The following DOCK1 variants were observed in gnomAD, a reference collection of about 807,000 sequenced individuals.
The protein encoded by DOCK1 is dedicator of cytokinesis 1, also known as dedicator of cytokinesis protein 1.
Under a neutral mutation model 262.7 loss-of-function variants are expected in DOCK1, and 138 were observed. The ratio of observed to expected loss-of-function variants is 0.53; its 90% CI spans 0.46 to 0.61. The LOEUF is 0.61. Among genes scored for constraint, DOCK1 ranks in the 20% least tolerant of loss-of-function variants. DOCK1 has a pLI of 0.00. For missense variants in DOCK1, 1,908 were observed against 2,370.7 expected, an observed-to-expected ratio of 0.80 and a Z score of 4.05; for synonymous variants, 866 against 867.4, an observed-to-expected ratio of 1.00 and a Z score of 0.03.
intron 31 of DOCK1, among the ~76,000 whole-genome samples, chr10:127,350,298 C>A (rs1471715894): frequency 1.1e-5 from 1 of 90,974 alleles, no homozygotes; most frequent in Non-Finnish European, 2.3e-5. Flanking sequence ...AGCCTCTGCT[C>A]ACGGTGCACC....
chr10:127,385,047 T>C, intron 38 of DOCK1, 138 bp downstream of exon 38: 1 of 1,125,942 alleles, frequency 8.9e-7, no homozygotes, highest in Non-Finnish European at 1.2e-6. Context: ...GTTTTATGCA[T>C]GTTCCTTCAG....
intron 29 of DOCK1, among the ~76,000 whole-genome samples, chr10:127,311,309 TC>T (rs2062054348): frequency 1.3e-5 from 2 of 152,154 alleles, no homozygotes; most frequent in Non-Finnish European, 2.9e-5. Context: ...GCAGAAATTC[TC>T]ATTCATCCTG....
chr10:127,411,032 TA>T, intron 43 of DOCK1, 108 bp downstream of exon 43: 1 of 1,078,808 alleles, frequency 9.3e-7, no homozygotes. Flanking sequence ...GGAGCCATAT[TA>T]AATGTCTTTG....
At chr10:127,337,959 C>T (rs1479782762) in intron 29 of DOCK1, among the ~76,000 whole-genome samples, 1 of 152,224 alleles carries the variant, frequency 6.6e-6, no homozygotes, top group Admixed American at 6.5e-5. Flanking sequence ...TGGTGAATTT[C>T]TTCTTCCCTC....
At chr10:127,260,828 C>T (rs1317114908) in intron 29 of DOCK1, among the ~76,000 whole-genome samples, 3 of 49,896 alleles carry the variant, frequency 6.0e-5, no homozygotes, top group Admixed American at 2.5e-4. Context: ...CATGTGTGTG[C>T]ATGGGTGTGC....
At chr10:127,072,959 G>A (rs1349541820) in intron 23 of DOCK1, among the ~76,000 whole-genome samples, 1 of 152,206 alleles carries the variant, frequency 6.6e-6, no homozygotes, top group Non-Finnish European at 1.5e-5. Context: ...AGAGATACCA[G>A]CATTTAGAAC....
At chr10:127,129,617 C>A (rs2050184744) in intron 27 of DOCK1, among the ~76,000 whole-genome samples, 1 of 152,154 alleles carries the variant, frequency 6.6e-6, no homozygotes, top group Admixed American at 6.5e-5. Context: ...CAGCGTTGAC[C>A]CCTGACGTCT....
At chr10:127,124,092 G>A (rs952604351) in intron 25 of DOCK1, among the ~76,000 whole-genome samples, 2 of 152,174 alleles carry the variant, frequency 1.3e-5, no homozygotes, top group Admixed American at 6.5e-5. Context: ...AGGGGTTTGT[G>A]TTTCTTCTCA....
At position 127,450,592 on chromosome 10, in the gene DOCK1, G is replaced by A. The variant is rs560837950; in HGVS notation, c.5566-740G>A. On this transcript the variant is annotated intron_variant, in intron 51 of 51. Transcript: ENST00000623213. ...AGAGAGTCTCCTGCACATCAGGTGTGTGTGATGGGCATGAGGGTCCCAAAA... is the reference window on the plus strand; with the variant it reads ...AGAGAGTCTCCTGCACATCAGGTGTATGTGATGGGCATGAGGGTCCCAAAA... 3.3e-5 allele frequency among the ~76,000 whole-genome samples: 5 copies of A among 152,312 alleles called. No homozygotes were observed. The East Asian group carries it at 9.6e-4, about 29-fold the overall frequency.
chr10:127,010,259 G>T (rs1402059641), intron 11 of DOCK1, among the ~76,000 whole-genome samples: 2 of 152,200 alleles, frequency 1.3e-5, no homozygotes, highest in Non-Finnish European at 2.9e-5. Flanking sequence ...CTGAGGTCAG[G>T]AGTTCGAGAC....
chr10:127,331,075 G>T (rs187804918), intron 29 of DOCK1, among the ~76,000 whole-genome samples: 11 of 152,306 alleles, frequency 7.2e-5, no homozygotes, highest in Non-Finnish European at 4.4e-5. Flanking sequence ...GGGAGGGGGA[G>T]TCCACTTATG....
chr10:127,411,498 A>T (rs557856962), intron 43 of DOCK1, among the ~76,000 whole-genome samples: 21 of 152,294 alleles, frequency 1.4e-4, no homozygotes, highest in African/African-American at 4.3e-4. Flanking sequence ...ATCCCTGAAC[A>T]CTGCCTACTA....
In DOCK1 at chr10:127,446,424, CA is replaced by C. The variant is rs1351194999; in HGVS notation, c.5414-967del. On this transcript the variant is annotated intron_variant, in intron 50 of 51. Coordinates refer to ENST00000623213, the MANE Select transcript of DOCK1 (RefSeq NM_001290223.2). This position sits in a 1 kb window ranked among gnomAD's most constrained non-coding sequence, Gnocchi z 4.4. ...CCACGGTCGATGTGATTAATGCCAC[CA>C]AATTGTCCCCTAAAGGATGGCTAAA... Among the ~76,000 whole-genome samples the C allele has an allele frequency of 1.3e-5, 2 of 152,086 alleles. No individual in the cohort carries two copies. Among genetic ancestry groups the C allele is most frequent in the African/African-American group, 4.8e-5 (2 of 41,414 alleles).
chr10:126,925,077 A>T (rs2033582381), intron 1 of DOCK1, among the ~76,000 whole-genome samples: 2 of 152,332 alleles, frequency 1.3e-5, no homozygotes, highest in Admixed American at 1.3e-4. Flanking sequence ...CGCCTCTATC[A>T]CTGATCTAGT....
intron 29 of DOCK1, among the ~76,000 whole-genome samples, chr10:127,280,034 A>ATATAT (rs1554939125): frequency 6.6e-5 from 6 of 91,468 alleles, no homozygotes; most frequent in South Asian, 3.5e-4. Flanking sequence ...ATATATATAT[A>ATATAT]ATTTTTTTTT....
intron 12 of DOCK1, chr10:127,013,552 T>C (rs897127102): frequency 6.6e-6 from 1 of 152,262 alleles, no homozygotes; most frequent in East Asian, 1.9e-4. Context: ...GAGTTTGGTG[T>C]CAGGCCAGCA....
chr10:127,387,312 A>T (rs1047342377), intron 38 of DOCK1, among the ~76,000 whole-genome samples: 2 of 152,136 alleles, frequency 1.3e-5, no homozygotes, highest in Admixed American at 6.5e-5. Context: ...TGCCTTGAGG[A>T]CGTTGCTTGA....
intron 23 of DOCK1, among the ~76,000 whole-genome samples, chr10:127,089,909 G>T (rs1178903776): frequency 1.3e-5 from 2 of 151,620 alleles, no homozygotes; most frequent in Non-Finnish European, 2.9e-5. Context: ...AAAATTCCCT[G>T]TCCTACATAT....
chr10:127,352,350 C>T (rs2063925906), intron 31 of DOCK1, among the ~76,000 whole-genome samples: 3 of 151,310 alleles, frequency 2.0e-5, no homozygotes, highest in South Asian at 4.2e-4. Flanking sequence ...TGGGGAGGAG[C>T]GGATGCACCT....
Sources: gnomAD v4.1 joint callset for allele counts (sites outside exome capture counted in the v4.1 genomes callset) on GRCh38, gnomAD v4.1.1 for gene constraint, Gnocchi (gnomAD v3.1) non-coding constraint, MANE v1.5 for transcripts, NCBI Gene and HGNC (gene_info 2026-07-23, HGNC 2026-07-21) for gene names.